The following LRMDA variants were observed in gnomAD, a reference collection of about 807,000 sequenced individuals.
LRMDA encodes the protein leucine-rich melanocyte differentiation-associated protein.
In LRMDA, 18 loss-of-function variants were observed where a neutral mutation model predicts 29.8. That is an observed-to-expected ratio of 0.60 (90% CI 0.42 to 0.90). The LOEUF is 0.90. LRMDA is among the 40% of genes least tolerant of loss of function. The pLI, the probability that LRMDA is intolerant of heterozygous loss-of-function variation, is 0.00. For synonymous variants in LRMDA, 125 were observed against 109.4 expected, an observed-to-expected ratio of 1.14 and a Z score of -0.89; for missense variants, 273 against 273.9, an observed-to-expected ratio of 1.00 and a Z score of 0.02.
At chr10:75,471,040 C>G (rs564070834) in intron 2 of LRMDA, among the ~76,000 whole-genome samples, 18 of 152,306 alleles carry the variant, frequency 1.2e-4, no homozygotes, top group African/African-American at 3.8e-4. Flanking sequence ...TGCTTCTGGG[C>G]TCTCTGCCTT....
At chr10:76,127,662 G>A (rs772947588) in intron 5 of LRMDA, among the ~76,000 whole-genome samples, 10 of 150,444 alleles carry the variant, frequency 6.6e-5, no homozygotes, top group Non-Finnish European at 1.3e-4. Flanking sequence ...GTGTAGATAA[G>A]GCAGTTGTAA....
chr10:76,208,488 C>G lies in LRMDA; in HGVS notation c.517-115913C>G, dbSNP rs556673339. Among the ~76,000 whole-genome samples the G allele has an allele frequency of 1.3e-5, 2 of 152,132 alleles. 1 individual carries two copies. Among genetic ancestry groups the G allele is most frequent in the South Asian group, 4.2e-4 (2 of 4,814 alleles). On this transcript the variant is annotated intron_variant, in intron 5 of 6. Coordinates refer to ENST00000611255, the MANE Select transcript of LRMDA (RefSeq NM_001305581.2). ...AGCAAGGAAACATGGACCTCAATCC[C>G]GGAGCCCAGTGGAACTGAATTCTAC...
intron 2 of LRMDA, among the ~76,000 whole-genome samples, chr10:75,559,321 A>G (rs1840259444): frequency 6.6e-6 from 1 of 150,440 alleles, no homozygotes. Flanking sequence ...TTGGCTGCAT[A>G]AATGTCTTCT....
intron 2 of LRMDA, among the ~76,000 whole-genome samples, chr10:75,563,263 G>A (rs563963673): frequency 1.3e-5 from 2 of 151,796 alleles, no homozygotes; most frequent in South Asian, 2.1e-4. Flanking sequence ...TTCCCTTCTC[G>A]CTTCATTTCA....
At chr10:76,545,377 T>C (rs1034203750) in intron 6 of LRMDA, among the ~76,000 whole-genome samples, 2 of 151,736 alleles carry the variant, frequency 1.3e-5, no homozygotes, top group African/African-American at 2.4e-5. Context: ...AAAGCCAAAA[T>C]TCCCATTCAG....
chr10:75,856,805 C>A (rs1589230576), intron 2 of LRMDA, among the ~76,000 whole-genome samples: 1 of 152,140 alleles, frequency 6.6e-6, no homozygotes, highest in East Asian at 1.9e-4. Flanking sequence ...TACTCCTATT[C>A]AACATAGTGT....
intron 2 of LRMDA, among the ~76,000 whole-genome samples, chr10:75,542,211 T>C (rs1292669199): frequency 6.6e-6 from 1 of 152,148 alleles, no homozygotes; most frequent in Non-Finnish European, 1.5e-5. Context: ...AAAGAATCTT[T>C]CCTTGCATGA....
chr10:76,157,990 G>T (rs1258583588), intron 5 of LRMDA, among the ~76,000 whole-genome samples: 1 of 151,332 alleles, frequency 6.6e-6, no homozygotes, highest in Non-Finnish European at 1.5e-5. Flanking sequence ...CAAAAAAAAA[G>T]TTACAGTAAA....
chr10:75,632,006 A>T (rs1841330176), intron 2 of LRMDA, among the ~76,000 whole-genome samples: 2 of 152,054 alleles, frequency 1.3e-5, no homozygotes, highest in South Asian at 4.2e-4. Context: ...CCTTGTATGG[A>T]TCCTTTCCCT....
chr10:76,251,883 G>A (rs1479247828), intron 5 of LRMDA, among the ~76,000 whole-genome samples: 3 of 152,280 alleles, frequency 2.0e-5, no homozygotes, highest in South Asian at 4.1e-4. Flanking sequence ...GTGGTGGAGC[G>A]TGTTAAATAC....
intron 2 of LRMDA, among the ~76,000 whole-genome samples, chr10:75,860,083 G>A (rs113928680): frequency 5.3e-5 from 8 of 152,052 alleles, no homozygotes; most frequent in African/African-American, 9.6e-5. Flanking sequence ...ATTCTGTTCC[G>A]TTGATCTATT....
intron 5 of LRMDA, among the ~76,000 whole-genome samples, chr10:76,264,943 C>T (rs1372522620): frequency 6.6e-6 from 1 of 152,206 alleles, no homozygotes; most frequent in Admixed American, 6.5e-5. Flanking sequence ...AGACATTCAG[C>T]GTTCAAGACA....
intron 5 of LRMDA, among the ~76,000 whole-genome samples, chr10:76,310,616 A>C (rs568328934): frequency 6.6e-6 from 1 of 152,176 alleles, no homozygotes; most frequent in East Asian, 1.9e-4. Context: ...CTTTCCCCTC[A>C]CAGCTGTCAC....
At chr10:76,119,044 T>C (rs934716051) in intron 5 of LRMDA, among the ~76,000 whole-genome samples, 12 of 152,144 alleles carry the variant, frequency 7.9e-5, no homozygotes, top group African/African-American at 2.2e-4. Flanking sequence ...TCTTTACTTT[T>C]GCTCCTTATT....
intron 6 of LRMDA, among the ~76,000 whole-genome samples, chr10:76,494,832 AG>A (rs1393829790): frequency 6.6e-6 from 1 of 151,820 alleles, no homozygotes; most frequent in Non-Finnish European, 1.5e-5. Flanking sequence ...ATATTCTCTA[AG>A]TATTTTGGAC....
At chr10:75,433,939 GGAGC>G (rs1589143199) in intron 1 of LRMDA, among the ~76,000 whole-genome samples, 1 of 152,166 alleles carries the variant, frequency 6.6e-6, no homozygotes, top group East Asian at 1.9e-4. Context: ...TGACTGCTGT[GGAGC>G]TGGTTTTTAG....
chr10:76,099,709 T>C (rs1849367454), intron 5 of LRMDA, among the ~76,000 whole-genome samples: 1 of 152,222 alleles, frequency 6.6e-6, no homozygotes, highest in Non-Finnish European at 1.5e-5. Context: ...CTTTTTTGTA[T>C]TCATTACTAG....
At position 75,620,905 on chromosome 10, in the gene LRMDA, G is replaced by C. The variant is rs1589137481; in HGVS notation, c.131+182411G>C. 2.6e-5 allele frequency among the ~76,000 whole-genome samples: 4 copies of C among 151,904 alleles called. No individual in the cohort carries two copies. The South Asian group carries it at 8.3e-4, about 32-fold the overall frequency. ...GTTTTGTTACATGAATAAGTTCTTT[G>C]GTGGTGATTTCTGAGATTTTGGTGC... is the stretch of plus-strand genomic sequence containing the variant. On this transcript the variant is annotated intron_variant, in intron 2 of 6. Transcript: ENST00000611255.
chr10:76,204,281 T>TCATGTGCCTGTCCACCCATCTCTATTC (rs2132236671), intron 5 of LRMDA, among the ~76,000 whole-genome samples: 1 of 108,784 alleles, frequency 9.2e-6, no homozygotes, highest in South Asian at 3.2e-4. Flanking sequence ...CATCTTTATT[T>TCATGTGCCTGTCCACCCATCTCTATTC]CATGTGCCTG....
Sources: gnomAD v4.1 joint callset for allele counts (sites outside exome capture counted in the v4.1 genomes callset) on GRCh38, gnomAD v4.1.1 for gene constraint, MANE v1.5 for transcripts, NCBI Gene and HGNC (gene_info 2026-07-23, HGNC 2026-07-21) for gene names.